CDYL: variants seen among roughly 807,000 people sequenced by gnomAD.
CDYL encodes chromodomain Y-like protein.
A neutral mutation model predicts 47.3 loss-of-function variants in CDYL; 8 were observed. The observed-to-expected ratio is 0.17, with a 90% confidence interval of 0.10 to 0.31. The LOEUF (loss-of-function observed/expected upper bound fraction) is 0.31. CDYL is among the 10% of genes least tolerant of loss of function. The pLI, the probability that CDYL is intolerant of heterozygous loss-of-function variation, is 1.00. For synonymous variants in CDYL, 266 were observed against 265.0 expected, an observed-to-expected ratio of 1.00 and a Z score of -0.04; for missense variants, 471 against 701.4, an observed-to-expected ratio of 0.67 and a Z score of 3.71.
At chr6:4,865,909 T>A (rs1239570306) in intron 1 of CDYL, among the ~76,000 whole-genome samples, 1 of 152,306 alleles carries the variant, frequency 6.6e-6, no homozygotes, top group East Asian at 1.9e-4. Context: ...ATCAGAAGAT[T>A]TGAACAGCTA....
chr6:4,740,211 C>T (rs1429798848), intron 3 of CDYL, among the ~76,000 whole-genome samples: 1 of 152,178 alleles, frequency 6.6e-6, no homozygotes, highest in Non-Finnish European at 1.5e-5. Context: ...ACTACACCAA[C>T]TGGTGGCTTC....
At chr6:4,915,640 A>G (rs530846300) in intron 2 of CDYL, among the ~76,000 whole-genome samples, 1 of 152,368 alleles carries the variant, frequency 6.6e-6, no homozygotes, top group South Asian at 2.1e-4. Context: ...CAGGTAGAGC[A>G]TCACATGACA....
At chr6:4,782,078 G>T (rs1006182714) in intron 1 of CDYL, among the ~76,000 whole-genome samples, 1 of 151,762 alleles carries the variant, frequency 6.6e-6, no homozygotes, top group Non-Finnish European at 1.5e-5. Flanking sequence ...GGGTGGGTTG[G>T]GGATCTGCCT....
In CDYL at chr6:4,856,529, G is replaced by T. The variant is rs115642665; in HGVS notation, c.25-35184G>T. On this transcript the variant is annotated intron_variant, in intron 1 of 6. Transcript: ENST00000397588. The stretch of plus-strand genomic sequence containing the variant: ...TTTGGTTGTGCCAGGCAGCCTGAGG[G>T]TGGCAGGGTAGAAGCAGGGGAACAG... Among the ~76,000 whole-genome samples, 1,154 of 152,354 alleles carry T rather than the reference G, an allele frequency of 7.6e-3. 19 individuals carry two copies. Among genetic ancestry groups the T allele is most frequent in the African/African-American group, 0.027 (1,104 of 41,586 alleles).
chr6:4,770,083 A>G (rs1758316512), intron 3 of CDYL, among the ~76,000 whole-genome samples: 1 of 151,732 alleles, frequency 6.6e-6, no homozygotes, highest in African/African-American at 2.4e-5. Context: ...GTGATCCACC[A>G]GCCTTGGCCT....
At position 4,776,739 on chromosome 6, in the gene CDYL, C is replaced by T. The variant is rs969028930; in HGVS notation, c.-45C>T. On this transcript the variant is annotated 5_prime_UTR_variant, in exon 1 of 7. Coordinates refer to ENST00000397588, the MANE Select transcript of CDYL (RefSeq NM_004824.4). Reference sequence around the variant, plus strand: ...AAGTGTCGGCCGCCCGGCGCCGGCGCCCGCCCCGACCCTGCCCCTCCCGCC... The same window carrying T: ...AAGTGTCGGCCGCCCGGCGCCGGCGTCCGCCCCGACCCTGCCCCTCCCGCC... The T allele has an allele frequency of 1.7e-6, 2 of 1,209,392 alleles. No individual in the cohort carries two copies. Among genetic ancestry groups the T allele is most frequent in the Non-Finnish European group, 2.1e-6 (2 of 931,324 alleles). The allele number at this position is 1,209,392 out of a possible 1,614,324, so 74.9% of individuals were successfully genotyped here.
At chr6:4,867,844 T>G (rs544609014) in intron 1 of CDYL, among the ~76,000 whole-genome samples, 1 of 151,558 alleles carries the variant, frequency 6.6e-6, no homozygotes, top group Non-Finnish European at 1.5e-5. Flanking sequence ...TGGTAACTTA[T>G]AGTTTCCTAG....
chr6:4,831,577 C>T, intron 1 of CDYL, among the ~76,000 whole-genome samples: 1 of 151,964 alleles, frequency 6.6e-6, no homozygotes, highest in Non-Finnish European at 1.5e-5. Flanking sequence ...TTTTTGGTTC[C>T]ATATGAACTT....
chr6:4,899,128 G>A (rs1336157613), intron 2 of CDYL, among the ~76,000 whole-genome samples: 1 of 152,178 alleles, frequency 6.6e-6, no homozygotes, highest in African/African-American at 2.4e-5. Context: ...ATCATTCAAT[G>A]TAGTTTTCTT....
chr6:4,761,125 C>T (rs927376140), intron 3 of CDYL, among the ~76,000 whole-genome samples: 1 of 152,136 alleles, frequency 6.6e-6, no homozygotes. Flanking sequence ...CTATTGTACA[C>T]ACTTCATAAA....
intron 2 of CDYL, among the ~76,000 whole-genome samples, 196 bp downstream of exon 2, chr6:4,892,575 G>A (rs558721835): frequency 1.3e-5 from 2 of 152,164 alleles, no homozygotes; most frequent in African/African-American, 4.8e-5. Context: ...AGTTTTTTCT[G>A]TGTAATTCGC....
At chr6:4,907,740 A>T (rs1026839348) in intron 2 of CDYL, among the ~76,000 whole-genome samples, 2 of 152,168 alleles carry the variant, frequency 1.3e-5, no homozygotes, top group Non-Finnish European at 2.9e-5. Flanking sequence ...CAAAATTACT[A>T]TATAGTTTTT....
chr6:4,740,626 C>T (rs1757780870), intron 3 of CDYL, among the ~76,000 whole-genome samples: 1 of 151,998 alleles, frequency 6.6e-6, no homozygotes, highest in African/African-American at 2.4e-5. Context: ...ACAAGTGAAG[C>T]CACATCTTCT....
At chr6:4,752,158 C>G (rs1231588306) in intron 3 of CDYL, among the ~76,000 whole-genome samples, 1 of 152,180 alleles carries the variant, frequency 6.6e-6, no homozygotes, top group Non-Finnish European at 1.5e-5. Context: ...TTAATATTCG[C>G]AGCATATCCT....
chr6:4,722,953 G>A (rs1757399567), intron 2 of CDYL, among the ~76,000 whole-genome samples: 1 of 152,110 alleles, frequency 6.6e-6, no homozygotes, highest in Non-Finnish European at 1.5e-5. Flanking sequence ...CCTAGCATAA[G>A]CAATCTTTGA....
chr6:4,954,269 C>A lies in CDYL; in HGVS notation c.*213C>A. ...TAACTACAAAGCTTCTTTGTCCAAA[C>A]GTCATTATTTTATACTTATATACAC... On this transcript the variant is annotated 3_prime_UTR_variant, in exon 7 of 7. Transcript: ENST00000397588. 2.2e-6 allele frequency: 1 copy of A among 460,154 alleles called. No individual in the cohort carries two copies. The highest frequency in any genetic ancestry group is 3.8e-6 in the Non-Finnish European group (1 of 262,370). The allele number at this position is 460,154 out of a possible 1,614,324, so 28.5% of individuals were successfully genotyped here. A position where few individuals can be genotyped will look rare whatever the true frequency, so the allele number is the denominator to read the frequency against.
chr6:4,813,606 C>T (rs900067757), intron 1 of CDYL, among the ~76,000 whole-genome samples: 3 of 152,158 alleles, frequency 2.0e-5, no homozygotes, highest in Non-Finnish European at 4.4e-5. Context: ...GTGAGATTGA[C>T]GGATCCATTT....
At chr6:4,773,038 T>G, upstream of CDYL, 1 of 431,714 alleles carries the variant, frequency 2.3e-6, no homozygotes. This position sits in a 1 kb window ranked among gnomAD's most constrained non-coding sequence, Gnocchi z 4.6. Flanking sequence ...TTAGTTATCA[T>G]TCTCCCGAGA....
chr6:4,873,980 G>T (rs1466837308), intron 1 of CDYL, among the ~76,000 whole-genome samples: 1 of 152,072 alleles, frequency 6.6e-6, no homozygotes, highest in Non-Finnish European at 1.5e-5. Flanking sequence ...ATTTCCTTGT[G>T]TTCATTCCTT....
Sources: allele counts gnomAD v4.1 joint callset (sites outside exome capture counted in the v4.1 genomes callset), GRCh38; gene constraint gnomAD v4.1.1; non-coding constraint Gnocchi (gnomAD v3.1); transcripts MANE v1.5; gene names NCBI Gene and HGNC (gene_info 2026-07-23, HGNC 2026-07-21).